PCSK9: variants seen among roughly 807,000 people sequenced by gnomAD.
The protein encoded by PCSK9 is proprotein convertase subtilisin/kexin type 9.
Under a neutral mutation model 62.1 loss-of-function variants are expected in PCSK9, and 57 were observed. The ratio of observed to expected loss-of-function variants is 0.92; its 90% CI spans 0.74 to 1.14. The LOEUF is 1.14. Ranked by LOEUF, PCSK9 falls within the 50% of genes most tolerant of loss-of-function variation. The pLI, the probability that PCSK9 is intolerant of heterozygous loss-of-function variation, is 0.00. For missense variants in PCSK9, 870 were observed against 959.8 expected, an observed-to-expected ratio of 0.91 and a Z score of 1.24; for synonymous variants, 387 against 409.4, an observed-to-expected ratio of 0.95 and a Z score of 0.66.
chr1:55,046,923 G>A (rs957927783), intron 3 of PCSK9, among the ~76,000 whole-genome samples: 6 of 152,052 alleles, frequency 3.9e-5, no homozygotes, highest in African/African-American at 1.2e-4. Context: ...GGCCCAGCAG[G>A]CTGCACTTAC....
At position 55,040,838 on chromosome 1, in the gene PCSK9, G is replaced by C. The variant is rs897096893; in HGVS notation, c.207+794G>C. On this transcript the variant is annotated intron_variant, in intron 1 of 11. Transcript: ENST00000302118. This position sits in a 1 kb window ranked among gnomAD's most constrained non-coding sequence, Gnocchi z 4.1. ...TGGCTGTCTGCCGACCGTGTGCGGG[G>C]CGAGTTTGCTCAACAACTCTGCCAG... Among the ~76,000 whole-genome samples, 8 of 152,232 alleles carry C rather than the reference G, an allele frequency of 5.3e-5. No individual in the cohort carries two copies. The highest frequency in any genetic ancestry group is 2.0e-4 in the Admixed American group (3 of 15,290).
intron 6 of PCSK9, among the ~76,000 whole-genome samples, chr1:55,057,057 C>A (rs1249785196): frequency 1.4e-5 from 1 of 73,776 alleles, no homozygotes; most frequent in Non-Finnish European, 2.8e-5. Context: ...ACTTGATACA[C>A]CGAATAGTTT....
At chr1:55,062,920 G>T (rs1644773011) in intron 11 of PCSK9, among the ~76,000 whole-genome samples, 1 of 152,298 alleles carries the variant, frequency 6.6e-6, no homozygotes, top group African/African-American at 2.4e-5. Flanking sequence ...GGCGGTGGAG[G>T]GTCCAGGCGT....
chr1:55,056,075 C>T lies in PCSK9; in HGVS notation c.882C>T (p.Ser294=). ...TGCTGCCCCTGGCGGGTGGGTACAGCCGCGTCCTCAACGCCGCCTGCCAGC... is the reference window on the plus strand; with the variant it reads ...TGCTGCCCCTGGCGGGTGGGTACAGTCGCGTCCTCAACGCCGCCTGCCAGC... ...VVLLPLAGGY[S]RVLNAACQRL... The change falls in exon 6 of 12, where the codon AGC becomes AGT. Residue 294 remains serine, a synonymous_variant. Coordinates refer to ENST00000302118, the MANE Select transcript of PCSK9 (RefSeq NM_174936.4). 1 of 1,599,416 alleles carries T rather than the reference C, an allele frequency of 6.3e-7. No homozygotes were observed. Among genetic ancestry groups the T allele is most frequent in the Non-Finnish European group, 8.5e-7 (1 of 1,170,836 alleles).
chr1:55,046,575 C>T lies in PCSK9; in HGVS notation c.452C>T (p.Ala151Val), dbSNP rs1026746691. The T allele has an allele frequency of 6.2e-7, 1 of 1,614,168 alleles. No individual in the cohort carries two copies. Among genetic ancestry groups the T allele is most frequent in the Non-Finnish European group, 8.5e-7 (1 of 1,180,032 alleles). ...DYIEEDSSVFAQSIPWNLERI... is the reference protein window; with the variant it reads ...DYIEEDSSVFVQSIPWNLERI... ...ATCGAGGAGGACTCCTCTGTCTTTGCCCAGAGCATCCCGTGGAACCTGGAG... is the reference window on the plus strand; with the variant it reads ...ATCGAGGAGGACTCCTCTGTCTTTGTCCAGAGCATCCCGTGGAACCTGGAG... Residue 151 changes from alanine to valine, a missense_variant, in exon 3 of 12, where the codon GCC becomes GTC. Physicochemically the swap from Ala to Val is moderately conservative, Grantham distance 64 (BLOSUM62 0). Transcript: ENST00000302118.
chr1:55,060,177 C>T (rs769298958), intron 10 of PCSK9, among the ~76,000 whole-genome samples: 1 of 152,214 alleles, frequency 6.6e-6, no homozygotes, highest in Non-Finnish European at 1.5e-5. Context: ...TTTCATCACC[C>T]GTTGCTTTAA....
chr1:55,057,658 A>C (rs1570306690), intron 7 of PCSK9, 144 bp downstream of exon 7: 1 of 1,082,074 alleles, frequency 9.2e-7, no homozygotes, highest in East Asian at 2.6e-5. Flanking sequence ...AAGGACACTC[A>C]GTCTGATGAG....
intron 7 of PCSK9, 69 bp from the exon 8 acceptor site, chr1:55,057,967 G>T: frequency 6.3e-7 from 1 of 1,588,084 alleles, no homozygotes; most frequent in South Asian, 1.1e-5. Flanking sequence ...TGTGTGCACT[G>T]GCAGGAGTCC....
intron 5 of PCSK9, among the ~76,000 whole-genome samples, chr1:55,054,482 G>T (rs1252616675): frequency 1.3e-5 from 2 of 152,212 alleles, no homozygotes. Context: ...GGTGTGAGGG[G>T]CCTCACTAGC....
rs576673821 is a variant in PCSK9 at position 55,045,812 on chromosome 1, C to T, written c.400-711C>T. Among the ~76,000 whole-genome samples, 734 of 151,924 alleles carry T rather than the reference C, an allele frequency of 4.8e-3. 11 individuals carry two copies. Among genetic ancestry groups the T allele is most frequent in the African/African-American group, 0.016 (680 of 41,408 alleles). ...GCAACCTCTGCCTCCCGGGTTCAAG[C>T]GATTCTCCTGCCTCAGCCTCCCGAG... is the stretch of plus-strand genomic sequence containing the variant. On this transcript the variant is annotated intron_variant, in intron 2 of 11. Transcript: ENST00000302118.
rs1281361491 is a variant in PCSK9 at position 55,064,527 on chromosome 1, C to G, written c.*943C>G. 1 of 152,246 alleles carries G rather than the reference C, an allele frequency of 6.6e-6. No homozygotes were observed. Among genetic ancestry groups the G allele is most frequent in the Non-Finnish European group, 1.5e-5 (1 of 68,070 alleles). The allele number at this position is 152,246 out of a possible 1,614,324, so 9.4% of individuals were successfully genotyped here. A position where few individuals can be genotyped will look rare whatever the true frequency, so the allele number is the denominator to read the frequency against. On this transcript the variant is annotated 3_prime_UTR_variant, in exon 12 of 12. Transcript: ENST00000302118. ...TGAGGCTGGGAAGGGGAACACAGAC[C>G]AGGAAGCTCGGTGAGTGATGGCAGA...
Position 55,058,205 on chromosome 1 carries a change from G to T in PCSK9, c.1350G>T (p.Gly450=), listed in dbSNP as rs772624198. The T allele has an allele frequency of 2.5e-6, 4 of 1,612,088 alleles. No homozygotes were observed. Among genetic ancestry groups the T allele is most frequent in the Non-Finnish European group, 3.4e-6 (4 of 1,179,316 alleles). The change falls in exon 8 of 12, where the codon GGG becomes GGT. Residue 450 remains glycine (G), a synonymous_variant. Transcript: ENST00000302118. Reference sequence around the variant, plus strand: ...CCGCCCTGCCCCCCAGCACCCATGGGGCAGGTAAGCAGGATGGCAGGGTGG... The same window carrying T: ...CCGCCCTGCCCCCCAGCACCCATGGTGCAGGTAAGCAGGATGGCAGGGTGG... ...LVAALPPSTH[G]AGWQLFCRTV...
At chr1:55,054,777 G>A (rs920939306) in intron 5 of PCSK9, among the ~76,000 whole-genome samples, 4 of 152,164 alleles carry the variant, frequency 2.6e-5, no homozygotes, top group African/African-American at 7.2e-5. Flanking sequence ...AGGGCAAGGC[G>A]GGAGGATCAT....
At chr1:55,050,484 CAG>C (rs1381993261) in intron 3 of PCSK9, among the ~76,000 whole-genome samples, 2 of 152,244 alleles carry the variant, frequency 1.3e-5, no homozygotes, top group East Asian at 3.8e-4. Context: ...CTAACACACT[CAG>C]AGAGCAAGGA....
rs28362204 is a variant in PCSK9 at position 55,040,633 on chromosome 1, A to G, written c.207+589A>G. 0.01 allele frequency among the ~76,000 whole-genome samples: 1,544 copies of G among 152,294 alleles called. 28 individuals are homozygous for G. Among genetic ancestry groups the G allele is most frequent in the African/African-American group, 0.035 (1,451 of 41,548 alleles). On this transcript the variant is annotated intron_variant, in intron 1 of 11. Transcript: ENST00000302118. This position sits in a 1 kb window ranked among gnomAD's most constrained non-coding sequence, Gnocchi z 4.1. ...CACAGAACTCATGCTCTAGTATTCC[A>G]TCTGTTTCAGCCGAAGAAAAGAACC... is the stretch of plus-strand genomic sequence containing the variant.
intron 11 of PCSK9, among the ~76,000 whole-genome samples, chr1:55,061,902 G>A (rs1424308064): frequency 6.6e-6 from 1 of 152,192 alleles, no homozygotes; most frequent in Non-Finnish European, 1.5e-5. Flanking sequence ...TGCCCAGGCT[G>A]GTCTCAAATT....
At chr1:55,062,351 G>C (rs935169703) in intron 11 of PCSK9, among the ~76,000 whole-genome samples, 5 of 152,200 alleles carry the variant, frequency 3.3e-5, no homozygotes, top group African/African-American at 1.2e-4. Flanking sequence ...GAGAGCAAAA[G>C]ACAGTCTTGG....
Position 55,039,909 on chromosome 1 carries a change from TC to T in PCSK9, c.75del (p.Ala26ArgfsTer18), listed in dbSNP as rs775052433. 3.2e-6 allele frequency: 5 copies of T among 1,565,390 alleles called. No individual in the cohort carries two copies. The East Asian group carries it at 1.2e-4, about 37-fold the overall frequency. ...TGCTGCTGCTGCTGCTGCTCCTGGG[TC>T]CCGCGGGCGCCCGTGCGCAGGAGGA... ...LLLLLLLLLG[P>X]AGARAQEDED... is the part of the protein sequence containing the mutation. On this transcript the variant is annotated frameshift_variant, in exon 1 of 12. Transcript: ENST00000302118. LOFTEE classifies it high-confidence loss of function.
chr1:55,046,453 A>C, intron 2 of PCSK9, 70 bp from the exon 3 acceptor site: 1 of 1,612,220 alleles, frequency 6.2e-7, no homozygotes, highest in African/African-American at 1.3e-5. Context: ...AGGTAAGGCC[A>C]GGCTGTGGCT....
Sources: allele counts gnomAD v4.1 joint callset (sites outside exome capture counted in the v4.1 genomes callset), GRCh38; gene constraint gnomAD v4.1.1; non-coding constraint Gnocchi (gnomAD v3.1); transcripts MANE v1.5; gene names NCBI Gene and HGNC (gene_info 2026-07-23, HGNC 2026-07-21).